Variants in CCDC192 observed in about 807,000 individuals in gnomAD.
The protein encoded by CCDC192 is coiled-coil domain containing 192.
intron 6 of CCDC192, among the ~76,000 whole-genome samples, chr5:127,937,812 T>C (rs1226367827): frequency 6.6e-6 from 1 of 152,240 alleles, no homozygotes; most frequent in Non-Finnish European, 1.5e-5. Context: ...CTACCTATAC[T>C]GCATTGTCTA....
chr5:127,709,247 GAA>G (rs1336970089), intron 2 of CCDC192, among the ~76,000 whole-genome samples: 2 of 130,342 alleles, frequency 1.5e-5, no homozygotes, highest in African/African-American at 3.0e-5. Context: ...GAGAGAGAGA[GAA>G]ATGCTACACA....
intron 2 of CCDC192, among the ~76,000 whole-genome samples, chr5:127,734,763 T>C (rs1355438195): frequency 2.0e-5 from 3 of 151,102 alleles, no homozygotes; most frequent in Non-Finnish European, 2.9e-5. Context: ...TGCCCACTTT[T>C]TGATGGGGTT....
intron 5 of CCDC192, among the ~76,000 whole-genome samples, chr5:127,808,722 G>A (rs1490979274): frequency 2.6e-5 from 4 of 152,146 alleles, no homozygotes; most frequent in Non-Finnish European, 5.9e-5. Flanking sequence ...TCAGTAAGAA[G>A]CCAACCTCTC....
rs185834938 is a variant in CCDC192 at position 127,773,892 on chromosome 5, G to C, written c.222+19517G>C. ...ACATTCTTACCAGCAATGTACAAGG[G>C]CTATTATTTCTCCATATCCTCAGCA... On this transcript the variant is annotated intron_variant, in intron 3 of 6. Coordinates refer to ENST00000514853, the MANE Select transcript of CCDC192 (RefSeq NM_001317938.2). Among the ~76,000 whole-genome samples, 425 of 152,182 alleles carry C rather than the reference G, an allele frequency of 2.8e-3. 1 individual carries two copies. The highest frequency in any genetic ancestry group is 7.9e-3 in the Admixed American group (121 of 15,280).
chr5:127,800,786 A>C (rs944145526), intron 5 of CCDC192, among the ~76,000 whole-genome samples: 5 of 152,100 alleles, frequency 3.3e-5, no homozygotes, highest in South Asian at 2.1e-4. Context: ...TTAAAATCCT[A>C]CCTCTCTCTG....
At chr5:127,822,400 A>G (rs1749333322) in intron 5 of CCDC192, among the ~76,000 whole-genome samples, 1 of 152,246 alleles carries the variant, frequency 6.6e-6, no homozygotes, top group Admixed American at 6.5e-5. Flanking sequence ...CTATGGCAGG[A>G]CATAGCAGTA....
chr5:127,705,414 C>G (rs1750906637), intron 1 of CCDC192, among the ~76,000 whole-genome samples: 1 of 152,136 alleles, frequency 6.6e-6, no homozygotes. Context: ...GTATTGCACT[C>G]ACGTATTTTG....
chr5:127,888,315 C>A (rs911800392), intron 6 of CCDC192, among the ~76,000 whole-genome samples: 8 of 151,868 alleles, frequency 5.3e-5, no homozygotes, highest in Non-Finnish European at 1.0e-4. Flanking sequence ...ACTCAGGAGG[C>A]TGAGGCAGGA....
intron 5 of CCDC192, among the ~76,000 whole-genome samples, chr5:127,812,716 C>T (rs949490148): frequency 1.2e-4 from 19 of 152,202 alleles, no homozygotes; most frequent in African/African-American, 2.9e-4. Context: ...GGAATTAGTA[C>T]GGGGCGTTTC....
chr5:127,846,215 G>A (rs1296559235), intron 5 of CCDC192, among the ~76,000 whole-genome samples: 2 of 151,766 alleles, frequency 1.3e-5, no homozygotes, highest in Admixed American at 6.6e-5. Flanking sequence ...CTTGAACCCG[G>A]GAGGCGGAGG....
chr5:127,876,216 A>G (rs1410038122), intron 6 of CCDC192, among the ~76,000 whole-genome samples: 1 of 150,292 alleles, frequency 6.7e-6, no homozygotes, highest in Non-Finnish European at 1.5e-5. Flanking sequence ...CTAACAAATT[A>G]TAAACACACC....
At chr5:127,852,149 A>T (rs1750824721) in intron 5 of CCDC192, among the ~76,000 whole-genome samples, 1 of 152,186 alleles carries the variant, frequency 6.6e-6, no homozygotes, top group African/African-American at 2.4e-5. Context: ...TGCCTATCAC[A>T]CGTGCCTCCT....
At chr5:127,909,205 G>T (rs1753278608) in intron 6 of CCDC192, among the ~76,000 whole-genome samples, 6 of 152,110 alleles carry the variant, frequency 3.9e-5, no homozygotes, top group Non-Finnish European at 8.8e-5. Flanking sequence ...ACACCCAGGT[G>T]GGTCTGGGGC....
At chr5:127,883,495 G>C (rs1752434403) in intron 6 of CCDC192, among the ~76,000 whole-genome samples, 1 of 152,142 alleles carries the variant, frequency 6.6e-6, no homozygotes, top group African/African-American at 2.4e-5. Context: ...AAAATCTATA[G>C]GTCTCATTCA....
chr5:127,783,390 C>T (rs1430909907), intron 3 of CCDC192, among the ~76,000 whole-genome samples: 1 of 152,164 alleles, frequency 6.6e-6, no homozygotes, highest in African/African-American at 2.4e-5. Context: ...AGTGATCACT[C>T]AGGATCAGAT....
chr5:127,864,929 C>T (rs1242455993), intron 5 of CCDC192, among the ~76,000 whole-genome samples: 5 of 152,102 alleles, frequency 3.3e-5, no homozygotes, highest in African/African-American at 7.2e-5. Context: ...GGGCGGATCA[C>T]GAGGTCAGGA....
intron 3 of CCDC192, among the ~76,000 whole-genome samples, chr5:127,762,355 T>C (rs891468739): frequency 1.3e-5 from 2 of 152,228 alleles, no homozygotes; most frequent in East Asian, 1.9e-4. Flanking sequence ...AGAGTTCTGA[T>C]TGATTTTACA....
intron 2 of CCDC192, among the ~76,000 whole-genome samples, chr5:127,718,956 C>T (rs1751800650): frequency 6.6e-6 from 1 of 152,118 alleles, no homozygotes; most frequent in Non-Finnish European, 1.5e-5. Context: ...CTATTATTGA[C>T]TGTACTCACC....
chr5:127,709,656 G>A (rs1418359200), intron 2 of CCDC192, among the ~76,000 whole-genome samples: 1 of 152,058 alleles, frequency 6.6e-6, no homozygotes, highest in East Asian at 1.9e-4. Flanking sequence ...TTAGCCAAAG[G>A]CAAATCAAAT....
Sources: gnomAD v4.1 joint callset for allele counts (sites outside exome capture counted in the v4.1 genomes callset) on GRCh38, gnomAD v4.1.1 for gene constraint, MANE v1.5 for transcripts, NCBI Gene and HGNC (gene_info 2026-07-23, HGNC 2026-07-21) for gene names.